Variants in DCDC1 observed in about 807,000 individuals in gnomAD.
DCDC1 encodes doublecortin domain containing 1, also known as doublecortin domain-containing protein 1.
DCDC1 carries 200 observed loss-of-function variants against 178.3 expected under a neutral mutation model. The ratio of observed to expected loss-of-function variants is 1.12; its 90% CI spans 1.00 to 1.26. DCDC1 has a LOEUF of 1.26. Ranked by LOEUF, DCDC1 falls within the 50% of genes most tolerant of loss-of-function variation. The pLI is 0.00. For synonymous variants in DCDC1, 690 were observed against 604.8 expected, an observed-to-expected ratio of 1.14 and a Z score of -2.07; for missense variants, 1,983 against 1,749.2, an observed-to-expected ratio of 1.13 and a Z score of -2.38.
chr11:30,879,992 T>C (rs1942501348), intron 37 of DCDC1, among the ~76,000 whole-genome samples: 1 of 152,282 alleles, frequency 6.6e-6, no homozygotes, highest in African/African-American at 2.4e-5. Context: ...TTGCTCACTA[T>C]TCGATTGTAT....
At chr11:30,868,442 G>A (rs1415573418) in intron 38 of DCDC1, among the ~76,000 whole-genome samples, 1 of 151,646 alleles carries the variant, frequency 6.6e-6, no homozygotes, top group Non-Finnish European at 1.5e-5. Flanking sequence ...GTAGAGATGG[G>A]GTTTCACCAT....
intron 10 of DCDC1, among the ~76,000 whole-genome samples, chr11:31,132,635 G>C (rs549511269): frequency 5.3e-5 from 8 of 152,114 alleles, no homozygotes; most frequent in Admixed American, 2.0e-4. Flanking sequence ...TGTGTGTGGG[G>C]GCATCCATGT....
chr11:30,914,323 G>T (rs1045255554), intron 27 of DCDC1, among the ~76,000 whole-genome samples: 4 of 152,250 alleles, frequency 2.6e-5, no homozygotes, highest in Admixed American at 2.0e-4. Flanking sequence ...AGTAAGACCA[G>T]CTCCTCTCCT....
chr11:31,352,801 C>CA (rs1365563077), intron 1 of DCDC1, among the ~76,000 whole-genome samples: 26 of 152,186 alleles, frequency 1.7e-4, no homozygotes, highest in Non-Finnish European at 3.4e-4. Flanking sequence ...CAAAAGGCTA[C>CA]ACTCGTATGT....
intron 1 of DCDC1, among the ~76,000 whole-genome samples, chr11:31,338,851 C>A (rs1565630785): frequency 1.3e-5 from 2 of 152,162 alleles, no homozygotes; most frequent in African/African-American, 4.8e-5. Flanking sequence ...TATACTAGCC[C>A]TCCAGACTTT....
At chr11:30,944,282 T>A in intron 21 of DCDC1, 1 of 456,316 alleles carries the variant, frequency 2.2e-6, no homozygotes, top group Non-Finnish European at 4.4e-6. Context: ...CTTCTTAATC[T>A]GTAAGCTTCA....
At chr11:31,253,027 A>C (rs2137001540) in intron 8 of DCDC1, among the ~76,000 whole-genome samples, 1 of 152,280 alleles carries the variant, frequency 6.6e-6, no homozygotes, top group East Asian at 1.9e-4. Context: ...TTTGTCTTAT[A>C]CTACATTGAG....
chr11:31,129,489 C>T (rs1372783853), intron 10 of DCDC1, among the ~76,000 whole-genome samples: 4 of 151,938 alleles, frequency 2.6e-5, no homozygotes, highest in African/African-American at 9.7e-5. Context: ...TCTAACCCTA[C>T]AATTGTATTT....
chr11:30,891,740 A>G (rs1590246306), intron 36 of DCDC1, among the ~76,000 whole-genome samples: 1 of 152,192 alleles, frequency 6.6e-6, no homozygotes, highest in South Asian at 2.1e-4. Context: ...TGTATTCCTA[A>G]TTTGGGGTAT....
intron 3 of DCDC1, among the ~76,000 whole-genome samples, chr11:31,323,734 A>G (rs1949499394): frequency 6.6e-6 from 1 of 152,164 alleles, no homozygotes; most frequent in South Asian, 2.1e-4. Flanking sequence ...TATGTTCAAT[A>G]ATGAATCATC....
chr11:31,156,479 C>A (rs1965726050), intron 9 of DCDC1, among the ~76,000 whole-genome samples: 1 of 151,866 alleles, frequency 6.6e-6, no homozygotes, highest in Non-Finnish European at 1.5e-5. Flanking sequence ...TTTAAATTAT[C>A]TAGTAGCTGC....
chr11:30,947,055 T>A (rs923599820), intron 21 of DCDC1, among the ~76,000 whole-genome samples: 4 of 152,170 alleles, frequency 2.6e-5, no homozygotes, highest in African/African-American at 9.7e-5. Flanking sequence ...ATTTTCACTG[T>A]GTGAAGAAAA....
At chr11:30,881,361 A>G in intron 36 of DCDC1, 53 bp from the exon 37 acceptor site, 1 of 1,580,804 alleles carries the variant, frequency 6.3e-7, no homozygotes, top group Non-Finnish European at 8.6e-7. Context: ...CAATATGATC[A>G]TGTATCAAAG....
intron 1 of DCDC1, among the ~76,000 whole-genome samples, chr11:31,369,323 T>C (rs1232883078): frequency 1.3e-5 from 2 of 152,204 alleles, no homozygotes; most frequent in African/African-American, 4.8e-5. Flanking sequence ...TCGAATATCT[T>C]CTGCAGAAAA....
intron 7 of DCDC1, among the ~76,000 whole-genome samples, chr11:31,287,133 G>GA (rs1946892232): frequency 1.3e-5 from 2 of 151,824 alleles, no homozygotes; most frequent in Middle Eastern, 3.2e-3. Context: ...AATATTGATG[G>GA]AGGAGTAACT....
intron 11 of DCDC1, among the ~76,000 whole-genome samples, chr11:31,120,493 T>C (rs1460430273): frequency 2.6e-5 from 4 of 152,166 alleles, no homozygotes; most frequent in Non-Finnish European, 5.9e-5. Context: ...CATTGATTTG[T>C]TGCGATTTAC....
At chr11:31,213,208 TGTGG>T (rs1973005476) in intron 9 of DCDC1, among the ~76,000 whole-genome samples, 1 of 146,688 alleles carries the variant, frequency 6.8e-6, no homozygotes, top group Non-Finnish European at 1.5e-5. Flanking sequence ...AAGAAAGGCA[TGTGG>T]CTCTTCAGTC....
At chr11:31,004,462 AG>A (rs1361566453) in intron 20 of DCDC1, among the ~76,000 whole-genome samples, 5 of 150,946 alleles carry the variant, frequency 3.3e-5, no homozygotes, top group Non-Finnish European at 7.4e-5. Context: ...TCATGAGGTC[AG>A]GAGATCGAGA....
intron 12 of DCDC1, among the ~76,000 whole-genome samples, chr11:31,109,292 T>C (rs1055162703): frequency 1.3e-5 from 2 of 152,108 alleles, no homozygotes; most frequent in Admixed American, 6.6e-5. Context: ...TAATTTTTTT[T>C]ATTTTTTGTA....
Sources: gnomAD v4.1 joint callset for allele counts (sites outside exome capture counted in the v4.1 genomes callset) on GRCh38, gnomAD v4.1.1 for gene constraint, MANE v1.5 for transcripts, NCBI Gene and HGNC (gene_info 2026-07-23, HGNC 2026-07-21) for gene names.